ARHGAP24: variants seen among roughly 807,000 people sequenced by gnomAD.
The protein encoded by ARHGAP24 is Rho GTPase activating protein 24.
In ARHGAP24, 50 loss-of-function variants were observed where a neutral mutation model predicts 76.4. The observed-to-expected ratio is 0.65, with a 90% confidence interval of 0.52 to 0.83. ARHGAP24 has a LOEUF of 0.83. Ranked by LOEUF, ARHGAP24 falls within the 40% of genes least tolerant of loss-of-function variation. The probability of loss-of-function intolerance (pLI) is 0.00; values close to 1 mark genes in which losing one functional copy is unlikely to be tolerated. For missense variants in ARHGAP24, 930 were observed against 914.2 expected, an observed-to-expected ratio of 1.02 and a Z score of -0.22; for synonymous variants, 345 against 323.3, an observed-to-expected ratio of 1.07 and a Z score of -0.72.
At chr4:85,613,837 C>T (rs1294689976) in intron 2 of ARHGAP24, among the ~76,000 whole-genome samples, 1 of 152,080 alleles carries the variant, frequency 6.6e-6, no homozygotes, top group Non-Finnish European at 1.5e-5. Flanking sequence ...GCTTCATGGT[C>T]ACCACCTGAT....
chr4:85,584,129 A>G (rs1727740637), intron 2 of ARHGAP24, among the ~76,000 whole-genome samples: 1 of 151,692 alleles, frequency 6.6e-6, no homozygotes. Flanking sequence ...GCTGCTATAA[A>G]GACACATGCA....
At chr4:85,544,850 C>A (rs545923394) in intron 1 of ARHGAP24, among the ~76,000 whole-genome samples, 1 of 152,102 alleles carries the variant, frequency 6.6e-6, no homozygotes, top group East Asian at 1.9e-4. Flanking sequence ...TTTAAAACAC[C>A]TTTTCTTAAC....
intron 3 of ARHGAP24, among the ~76,000 whole-genome samples, chr4:85,886,276 C>T (rs1456116004): frequency 2.6e-5 from 4 of 152,092 alleles, no homozygotes; most frequent in Admixed American, 6.6e-5. Context: ...CATACAACAA[C>T]GTTACCATGT....
rs1169524868 is a variant in ARHGAP24, at chr4:86,000,882, T to C, written c.*160T>C. ...ATTAAACATCCATATCTGCAATGTG[T>C]ACCAAAGTTATATCATGCCCCATAA... On this transcript the variant is annotated 3_prime_UTR_variant, in exon 10 of 10. Transcript: ENST00000395184. 7 of 1,050,566 alleles carry C rather than the reference T, an allele frequency of 6.7e-6. No homozygotes were observed. In the African/African-American group the frequency reaches 9.6e-5, roughly 14 times the overall value. 65.1% of individuals were successfully genotyped at this position (1,050,566 alleles called of 1,614,324 possible). A position where few individuals can be genotyped will look rare whatever the true frequency, so the allele number is the denominator to read the frequency against.
At position 85,532,958 on chromosome 4, in the gene ARHGAP24, A is replaced by G. The variant is rs141528848; in HGVS notation, c.-20-37564A>G. Among the ~76,000 whole-genome samples, 610 of 152,332 alleles carry G rather than the reference A, an allele frequency of 4.0e-3. 3 individuals carry two copies. Among genetic ancestry groups the G allele is most frequent in the African/African-American group, 0.014 (571 of 41,590 alleles). ...TGTCAACAAACTGTGCTGACTTGGG[A>G]GAAGAAACCTGTCTGCTAAGACCAT... On this transcript the variant is annotated intron_variant, in intron 1 of 9. Coordinates refer to ENST00000395184, the MANE Select transcript of ARHGAP24 (RefSeq NM_001025616.3).
At chr4:85,829,659 T>C (rs1729889850) in intron 3 of ARHGAP24, among the ~76,000 whole-genome samples, 1 of 152,232 alleles carries the variant, frequency 6.6e-6, no homozygotes, top group South Asian at 2.1e-4. Flanking sequence ...TGATGTAAAA[T>C]TTGGCTGCTT....
chr4:85,620,741 G>C (rs913965897), intron 2 of ARHGAP24, among the ~76,000 whole-genome samples: 3 of 151,560 alleles, frequency 2.0e-5, no homozygotes, highest in Admixed American at 6.6e-5. Context: ...ACAATCTTAG[G>C]TTACTTATTT....
chr4:85,746,369 C>T (rs1726036930), intron 3 of ARHGAP24, among the ~76,000 whole-genome samples: 1 of 152,192 alleles, frequency 6.6e-6, no homozygotes, highest in Non-Finnish European at 1.5e-5. Context: ...TATTTTTCTA[C>T]AAACTTATCC....
intron 2 of ARHGAP24, among the ~76,000 whole-genome samples, chr4:85,577,858 G>T (rs546339388): frequency 6.6e-6 from 1 of 152,134 alleles, no homozygotes; most frequent in African/African-American, 2.4e-5. Context: ...AAAAGGTGTA[G>T]GCCATAGCCC....
chr4:85,877,227 T>C (rs1399776971), intron 3 of ARHGAP24, among the ~76,000 whole-genome samples: 1 of 152,204 alleles, frequency 6.6e-6, no homozygotes, highest in African/African-American at 2.4e-5. Flanking sequence ...TTCATTCACA[T>C]TGTGTATATT....
At chr4:85,784,302 T>C (rs1578224337) in intron 3 of ARHGAP24, among the ~76,000 whole-genome samples, 1 of 82,604 alleles carries the variant, frequency 1.2e-5, no homozygotes, top group Non-Finnish European at 2.7e-5. Context: ...TCTCCTAGGC[T>C]TTTTTTTTTC....
At chr4:85,992,117 A>C in intron 8 of ARHGAP24, 1 of 397,642 alleles carries the variant, frequency 2.5e-6, no homozygotes, top group Non-Finnish European at 4.4e-6. Context: ...TGGTGATTAT[A>C]ACCAGTCTGA....
At chr4:85,510,193 A>G (rs1418748703) in intron 1 of ARHGAP24, among the ~76,000 whole-genome samples, 1 of 152,224 alleles carries the variant, frequency 6.6e-6, no homozygotes, top group African/African-American at 2.4e-5. Flanking sequence ...TGAGAAAAAT[A>G]AAAAATGAGA....
rs894109897 is a variant in ARHGAP24 at position 85,695,062 on chromosome 4, T to A, written c.181-26823T>A. Among the ~76,000 whole-genome samples the A allele has an allele frequency of 2.6e-5, 4 of 152,204 alleles. 1 individual carries two copies. The highest frequency in any genetic ancestry group is 4.1e-4 in the South Asian group (2 of 4,836). The stretch of plus-strand genomic sequence containing the variant: ...GTGTATTTTAGGCAAAATCTTCAGA[T>A]TTTTTGTTTGGGATTTTAGTAGAAG... On this transcript the variant is annotated intron_variant, in intron 2 of 9. Coordinates refer to ENST00000395184, the MANE Select transcript of ARHGAP24 (RefSeq NM_001025616.3).
At chr4:85,609,159 A>G (rs1488263668) in intron 2 of ARHGAP24, among the ~76,000 whole-genome samples, 2 of 152,238 alleles carry the variant, frequency 1.3e-5, no homozygotes, top group Non-Finnish European at 2.9e-5. Context: ...TTGAATAAAT[A>G]TGCTCTGAAA....
chr4:85,667,365 G>A (rs566439082), intron 2 of ARHGAP24, among the ~76,000 whole-genome samples: 1 of 152,190 alleles, frequency 6.6e-6, no homozygotes, highest in Non-Finnish European at 1.5e-5. Context: ...CGCAGTATTA[G>A]GATGGGAGTG....
intron 1 of ARHGAP24, among the ~76,000 whole-genome samples, chr4:85,546,785 T>C (rs2110126346): frequency 6.6e-6 from 1 of 152,350 alleles, no homozygotes; most frequent in Non-Finnish European, 1.5e-5. Context: ...TGTTTGTTTT[T>C]ACTTATTATT....
chr4:85,507,353 C>T (rs1032699176), intron 1 of ARHGAP24, among the ~76,000 whole-genome samples: 1 of 152,178 alleles, frequency 6.6e-6, no homozygotes, highest in African/African-American at 2.4e-5. Flanking sequence ...TCCTGAATAG[C>T]TAGGACTATA....
chr4:85,721,772 C>A, intron 2 of ARHGAP24, 113 bp from the exon 3 acceptor site: 1 of 849,976 alleles, frequency 1.2e-6, no homozygotes, highest in Non-Finnish European at 2.0e-6. Flanking sequence ...GATTCTGATG[C>A]ATCTTACTGT....
Sources: gnomAD v4.1 joint callset for allele counts (sites outside exome capture counted in the v4.1 genomes callset) on GRCh38, gnomAD v4.1.1 for gene constraint, MANE v1.5 for transcripts, NCBI Gene and HGNC (gene_info 2026-07-23, HGNC 2026-07-21) for gene names.